Variants in C9 observed in about 807,000 individuals in gnomAD.
The protein encoded by C9 is complement C9, also known as complement component C9.
In C9, 63 loss-of-function variants were observed where a neutral mutation model predicts 65.4. The observed-to-expected ratio is 0.96, with a 90% CI of 0.79 to 1.19. The LOEUF (loss-of-function observed/expected upper bound fraction) is 1.19, where lower values mean the gene tolerates loss of function less well. C9 is among the 50% of genes most tolerant of loss of function. The probability of loss-of-function intolerance (pLI) is 0.00; values close to 1 mark genes in which losing one functional copy is unlikely to be tolerated. For synonymous variants in C9, 229 were observed against 227.9 expected (o/e 1.00, Z -0.04); for missense variants, 744 against 670.1 (o/e 1.11, Z -1.22).
At position 39,341,208 on chromosome 5, in the gene C9, G is replaced by A. The variant is rs754245925; in HGVS notation, c.414C>T (p.Pro138=). Residue 138 remains proline, a synonymous_variant, in exon 4 of 11, where the codon CCC becomes CCT. Transcript: ENST00000263408. The part of the protein sequence containing the change: ...FSDEDDCESE[P]RPPCRDRVVE... ...CCACTCTGTCTCTGCAGGGGGGACG[G>A]GGCTCACTTTCACAATCATCCTCAT... is the stretch of plus-strand genomic sequence containing the variant. 3.1e-6 allele frequency: 5 copies of A among 1,614,036 alleles called. No individual in the cohort carries two copies. Among genetic ancestry groups the A allele is most frequent in the Non-Finnish European group, 1.7e-6 (2 of 1,180,042 alleles).
intron 1 of C9, among the ~76,000 whole-genome samples, chr5:39,360,725 A>G (rs1451935752): frequency 6.6e-6 from 1 of 152,230 alleles, no homozygotes; most frequent in African/African-American, 2.4e-5. Flanking sequence ...AGAAAGGCAA[A>G]TTAAAACCGT....
At chr5:39,312,451 T>C (rs75474581) in intron 6 of C9, among the ~76,000 whole-genome samples, 4,503 of 152,270 alleles carry the variant, frequency 0.03, 204 homozygotes, top group African/African-American at 0.1. Context: ...CTTGACAGCA[T>C]TGGTACTAAA....
intron 1 of C9, among the ~76,000 whole-genome samples, chr5:39,345,877 C>T (rs1754183134): frequency 6.6e-6 from 1 of 152,134 alleles, no homozygotes; most frequent in South Asian, 2.1e-4. Flanking sequence ...CATTCAAAAC[C>T]ACTCAACTAC....
intron 5 of C9, among the ~76,000 whole-genome samples, chr5:39,321,077 A>C (rs968708638): frequency 5.9e-5 from 9 of 152,072 alleles, no homozygotes; most frequent in African/African-American, 2.2e-4. Context: ...AACATAAAAA[A>C]TTTATGAAAT....
chr5:39,307,661 T>C (rs755970372), intron 8 of C9, among the ~76,000 whole-genome samples: 1 of 152,190 alleles, frequency 6.6e-6, no homozygotes, highest in Non-Finnish European at 1.5e-5. Flanking sequence ...CTCAGGTATT[T>C]CTGATTAGAG....
At chr5:39,329,787 G>A (rs1753811458) in intron 5 of C9, among the ~76,000 whole-genome samples, 1 of 152,066 alleles carries the variant, frequency 6.6e-6, no homozygotes, top group Non-Finnish European at 1.5e-5. Context: ...TTGCCTTCAG[G>A]TACTACTGAT....
In C9 at chr5:39,285,011, T is replaced by A. The variant is rs1227498009; in HGVS notation, c.*188A>T. On this transcript the variant is annotated 3_prime_UTR_variant, in exon 11 of 11. Transcript: ENST00000263408. The stretch of plus-strand genomic sequence containing the variant: ...CATTAGGGAACAAAAAATGGAAACA[T>A]CACAGGAGTTTAAGGAAGAAAAATT... 5.2e-6 allele frequency: 3 copies of A among 579,982 alleles called. No homozygotes were observed. Among genetic ancestry groups the A allele is most frequent in the Non-Finnish European group, 9.4e-6 (3 of 320,674 alleles). 35.9% of individuals were successfully genotyped at this position (579,982 alleles called of 1,614,324 possible). A position where few individuals can be genotyped will look rare whatever the true frequency, so the allele number is the denominator to read the frequency against.
At chr5:39,343,476 G>T (rs1754129923) in intron 1 of C9, among the ~76,000 whole-genome samples, 1 of 152,240 alleles carries the variant, frequency 6.6e-6, no homozygotes, top group African/African-American at 2.4e-5. Context: ...CGAGGCTGGG[G>T]AGGGGCGCCC....
chr5:39,358,414 CA>C (rs1053655610), intron 1 of C9, among the ~76,000 whole-genome samples: 9 of 152,086 alleles, frequency 5.9e-5, no homozygotes. Context: ...AAAGAGAGTG[CA>C]AATGCCCTGG....
At chr5:39,308,156 C>T in intron 8 of C9, 74 bp downstream of exon 8, 2 of 1,296,082 alleles carry the variant, frequency 1.5e-6, no homozygotes, top group South Asian at 1.2e-5. Context: ...TAAGAGGGCT[C>T]ATTGCAAGAG....
chr5:39,334,321 A>AGGAGC (rs1753911492), intron 4 of C9, among the ~76,000 whole-genome samples: 1 of 148,092 alleles, frequency 6.8e-6, no homozygotes, highest in Admixed American at 6.7e-5. Context: ...CTGGGAGGAG[A>AGGAGC]GGAGCGTCTC....
chr5:39,290,628 C>T (rs983026006), intron 9 of C9, among the ~76,000 whole-genome samples: 3 of 151,562 alleles, frequency 2.0e-5, no homozygotes, highest in Non-Finnish European at 3.0e-5. Context: ...TGCTAAAATG[C>T]CCTGGACAAC....
intron 4 of C9, among the ~76,000 whole-genome samples, chr5:39,339,096 G>A (rs1203679044): frequency 6.6e-6 from 1 of 152,164 alleles, no homozygotes; most frequent in Non-Finnish European, 1.5e-5. Flanking sequence ...ATCTTTCCCT[G>A]AGGAAATAAA....
rs754596142 is a variant in C9 at position 39,341,647 on chromosome 5, G to A, written c.237C>T (p.Thr79=). 4.5e-5 allele frequency: 72 copies of A among 1,613,438 alleles called. No homozygotes were observed. Among genetic ancestry groups the A allele is most frequent in the Non-Finnish European group, 5.3e-5 (62 of 1,179,544 alleles). ...ACTGTCGTCTGTCTCCCACAGCGTC[G>A]GTGCATCTTTTCCCATTAAATTGTC... The part of the protein sequence containing the change: ...VFGQFNGKRC[T]DAVGDRRQCV... The change falls in exon 3 of 11, where the codon ACC becomes ACT. Residue 79 remains threonine, a synonymous_variant. Transcript: ENST00000263408.
At chr5:39,346,386 T>C (rs1469818410) in intron 1 of C9, among the ~76,000 whole-genome samples, 1 of 152,118 alleles carries the variant, frequency 6.6e-6, no homozygotes, top group African/African-American at 2.4e-5. Context: ...GAGAATACTA[T>C]AAATACCACT....
intron 4 of C9, 140 bp downstream of exon 4, chr5:39,341,006 G>A: frequency 3.1e-6 from 3 of 955,368 alleles, no homozygotes; most frequent in Non-Finnish European, 5.0e-6. Flanking sequence ...AAGCTTAAAG[G>A]TAGTTCAAAA....
intron 1 of C9, among the ~76,000 whole-genome samples, chr5:39,343,981 A>C (rs1469011437): frequency 6.6e-6 from 1 of 152,186 alleles, no homozygotes; most frequent in Non-Finnish European, 1.5e-5. Context: ...TAGAAGGAAA[A>C]CTAACAAACA....
intron 1 of C9, among the ~76,000 whole-genome samples, chr5:39,363,122 A>C (rs1048578665): frequency 3.9e-5 from 6 of 152,208 alleles, no homozygotes; most frequent in African/African-American, 1.4e-4. Context: ...AGAAAGGGTC[A>C]GGTGAAGTTC....
intron 9 of C9, among the ~76,000 whole-genome samples, chr5:39,301,467 G>A (rs942355565): frequency 1.3e-5 from 2 of 152,046 alleles, no homozygotes; most frequent in African/African-American, 4.8e-5. Context: ...ATTACTCAGT[G>A]TGAATTTTCT....
Sources: allele counts gnomAD v4.1 joint callset (sites outside exome capture counted in the v4.1 genomes callset), GRCh38; gene constraint gnomAD v4.1.1; transcripts MANE v1.5; gene names NCBI Gene and HGNC (gene_info 2026-07-23, HGNC 2026-07-21).